Variants in CIITA observed in about 807,000 individuals in gnomAD.
CIITA encodes MHC class II transactivator.
CIITA carries 72 observed loss-of-function variants against 115.1 expected under a neutral mutation model. That is an observed-to-expected ratio of 0.63 (90% CI 0.52 to 0.76). The LOEUF (loss-of-function observed/expected upper bound fraction) is 0.76. CIITA is among the 30% of genes least tolerant of loss of function. The pLI is 0.00. For missense variants in CIITA, 1,617 were observed against 1,463.8 expected, an observed-to-expected ratio of 1.10 and a Z score of -1.71; for synonymous variants, 763 against 635.6, an observed-to-expected ratio of 1.20 and a Z score of -3.02.
At chr16:10,878,713 G>C (rs575011038) in intron 1 of CIITA, among the ~76,000 whole-genome samples, 1 of 152,340 alleles carries the variant, frequency 6.6e-6, no homozygotes, top group African/African-American at 2.4e-5. Flanking sequence ...TGGCTCCCTA[G>C]CTCCTGGCTC....
intron 1 of CIITA, among the ~76,000 whole-genome samples, chr16:10,868,602 A>G (rs546812974): frequency 6.6e-6 from 1 of 152,282 alleles, no homozygotes; most frequent in South Asian, 2.1e-4. Context: ...GCAGACAGCC[A>G]GTGTGGTCTT....
intron 1 of CIITA, among the ~76,000 whole-genome samples, chr16:10,869,707 G>T (rs953907368): frequency 6.6e-6 from 1 of 151,970 alleles, no homozygotes; most frequent in African/African-American, 2.4e-5. Context: ...TAGAGACAGG[G>T]TTTCTCCAAG....
At chr16:10,893,804 T>TAAA (rs71136603) in intron 1 of CIITA, among the ~76,000 whole-genome samples, 1,454 of 32,140 alleles carry the variant, frequency 0.045, 118 homozygotes, top group African/African-American at 0.058. Context: ...GACTCCGTCT[T>TAAA]AAAAAAAAAA....
chr16:10,888,190 C>T (rs1329894515), intron 1 of CIITA: 2 of 152,190 alleles, frequency 1.3e-5, no homozygotes, highest in Non-Finnish European at 1.5e-5. Flanking sequence ...ACTTACTGGT[C>T]GCCAGTCCCC....
At position 10,894,020 on chromosome 16, in the gene CIITA, TA is replaced by T. The variant is rs557338674; in HGVS notation, c.53-1253del. Among the ~76,000 whole-genome samples the T allele has an allele frequency of 7.3e-3, 1,110 of 151,112 alleles. 25 individuals are homozygous for T. The highest frequency in any genetic ancestry group is 0.025 in the African/African-American group (1,031 of 41,174). On this transcript the variant is annotated intron_variant, in intron 1 of 19. Coordinates refer to ENST00000324288, the MANE Select transcript of CIITA (RefSeq NM_000246.4). ...GCAACCACTAATATGCTTTCTTTCTTAAAAAAAAATTAATAGAGATAGGCTT... is the reference window on the plus strand; with the variant it reads ...GCAACCACTAATATGCTTTCTTTCTTAAAAAAAATTAATAGAGATAGGCTT...
upstream of CIITA, chr16:10,866,219 G>A: frequency 2.3e-6 from 1 of 443,602 alleles, no homozygotes; most frequent in Non-Finnish European, 4.4e-6. Flanking sequence ...TCATGTTTTG[G>A]ATGCTGCATG....
intron 6 of CIITA, 32 bp from the exon 7 acceptor site, chr16:10,902,006 C>T: frequency 1.2e-6 from 2 of 1,613,300 alleles, no homozygotes; most frequent in Non-Finnish European, 1.7e-6. Context: ...CCTCCAAGCA[C>T]CCAGTCTCTA....
chr16:10,895,914 G>A (rs964438968), intron 3 of CIITA, 150 bp downstream of exon 3: 34 of 804,560 alleles, frequency 4.2e-5, no homozygotes, highest in Non-Finnish European at 5.8e-5. Flanking sequence ...CTGGAGGAAC[G>A]GAGACTCCAG....
intron 1 of CIITA, among the ~76,000 whole-genome samples, chr16:10,885,792 T>C (rs1377603572): frequency 6.6e-6 from 1 of 152,168 alleles, no homozygotes; most frequent in Non-Finnish European, 1.5e-5. Context: ...GGTACCAGGC[T>C]CTGTGCAGGC....
In CIITA at chr16:10,907,514, C is replaced by A. The variant is rs2039253947; in HGVS notation, c.2022C>A (p.Thr674=). Residue 674 remains threonine, a synonymous_variant, in exon 11 of 20, where the codon ACC becomes ACA. Transcript: ENST00000324288. The surrounding 1 kb of genome is among the most constrained non-coding windows in gnomAD (Gnocchi z 5.0). ...AWELGRRHQS[T]LQEDQFPSAD... ...AGCTGGGCCGCAGACATCAAAGTAC[C>A]CTACAGGAGGACCAGTTCCCATCCG... 7 of 1,614,086 alleles carry A rather than the reference C, an allele frequency of 4.3e-6. No individual in the cohort carries two copies. Among genetic ancestry groups the A allele is most frequent in the Non-Finnish European group, 5.9e-6 (7 of 1,180,028 alleles).
chr16:10,907,932 C>T lies in CIITA; in HGVS notation c.2440C>T (p.His814Tyr). Residue 814 changes from histidine (H) to tyrosine (Y), a missense_variant, in exon 11 of 20, where the codon CAC becomes TAC. Physicochemically the swap from His to Tyr is moderately conservative, Grantham distance 83 (BLOSUM62 2). Coordinates refer to ENST00000324288, the MANE Select transcript of CIITA (RefSeq NM_000246.4). This position sits in a 1 kb window ranked among gnomAD's most constrained non-coding sequence, Gnocchi z 5.0. ...GCTGCTGGAGCTGCTGCACTGCGCC[C>T]ACGAGGCCGAGGAGGCTGGAATTTG... ...RQLLELLHCA[H>Y]EAEEAGIWQH... 1 of 1,564,462 alleles carries T rather than the reference C, an allele frequency of 6.4e-7. No individual in the cohort carries two copies. Among genetic ancestry groups the T allele is most frequent in the East Asian group, 2.3e-5 (1 of 44,444 alleles).
rs772171068 is a variant in CIITA at position 10,907,682 on chromosome 16, C to A, written c.2190C>A (p.Asp730Glu). 13 of 1,614,102 alleles carry A rather than the reference C, an allele frequency of 8.1e-6. No homozygotes were observed. The highest frequency in any genetic ancestry group is 1.1e-5 in the Non-Finnish European group (13 of 1,180,048). Residue 730 changes from aspartate to glutamate, a missense_variant, in exon 11 of 20, where the codon GAC becomes GAA. Physicochemically the swap from Asp to Glu is conservative, Grantham distance 45 (BLOSUM62 2). Transcript: ENST00000324288. This position sits in a 1 kb window ranked among gnomAD's most constrained non-coding sequence, Gnocchi z 5.0. Reference sequence around the variant, plus strand: ...TGGCTCTGAGTGGCGAAATCAAGGACAAGGAGCTCCCGCAGTACCTAGCAT... The same window carrying A: ...TGGCTCTGAGTGGCGAAATCAAGGAAAAGGAGCTCCCGCAGTACCTAGCAT... The part of the protein sequence containing the change: ...LWLALSGEIK[D>E]KELPQYLALT...
intron 15 of CIITA, among the ~76,000 whole-genome samples, chr16:10,918,067 A>C (rs1461855764): frequency 6.6e-6 from 1 of 152,212 alleles, no homozygotes; most frequent in Non-Finnish European, 1.5e-5. Context: ...GGGATACAGT[A>C]ATGAGCAAAA....
In CIITA at chr16:10,942,253, G is replaced by T. The variant is rs1301899841; in HGVS notation, n.1379G>T. ...CCCGGGCGGCGAGGCGGGCCCCCCT[G>T]AAGTGGCCCGCGGCTGCCCGGCTCC... is the stretch of plus-strand genomic sequence containing the variant. On this transcript the variant is annotated non_coding_transcript_exon_variant, in exon 2 of 2. Transcript: ENST00000573379. This position sits in a 1 kb window ranked among gnomAD's most constrained non-coding sequence, Gnocchi z 5.0. The T allele has an allele frequency of 1.4e-5, 5 of 361,708 alleles. No homozygotes were observed. Among genetic ancestry groups the T allele is most frequent in the Non-Finnish European group, 2.5e-5 (5 of 201,396 alleles). 22.4% of individuals were successfully genotyped at this position (361,708 alleles called of 1,614,324 possible).
chr16:10,892,406 T>G (rs1286953089), intron 1 of CIITA, among the ~76,000 whole-genome samples: 1 of 152,042 alleles, frequency 6.6e-6, no homozygotes, highest in African/African-American at 2.4e-5. Context: ...TACTCTTCAA[T>G]GTATTCTCTT....
chr16:10,887,346 G>A (rs1055665163), intron 1 of CIITA, among the ~76,000 whole-genome samples: 5 of 152,164 alleles, frequency 3.3e-5, no homozygotes, highest in Admixed American at 6.5e-5. Context: ...TCGTTGAAAC[G>A]GAGGCTCAGA....
rs1013962316 is a variant in CIITA at position 10,923,236 on chromosome 16, C to T, written c.3326C>T (p.Thr1109Met). 6.2e-6 allele frequency: 10 copies of T among 1,613,168 alleles called. No homozygotes were observed. The highest frequency in any genetic ancestry group is 1.3e-5 in the African/African-American group (1 of 75,040). The stretch of plus-strand genomic sequence containing the variant: ...CCCATCCCCCCTTGCAGGATGTGGA[C>T]GCCCACCATCCCATTCAGTGTCCAG... ...CPHVETLAMW[T>M]PTIPFSVQEH... is the part of the protein sequence containing the mutation. The change falls in exon 19 of 20, where the codon ACG becomes ATG. Residue 1109 changes from threonine to methionine, a missense_variant. By Grantham distance (81) the Thr-to-Met change is moderately conservative (BLOSUM62 -1). Transcript: ENST00000324288. The surrounding 1 kb of genome is among the most constrained non-coding windows in gnomAD (Gnocchi z 5.2).
intron 5 of CIITA, among the ~76,000 whole-genome samples, chr16:10,900,973 G>A (rs564951082): frequency 1.1e-4 from 16 of 151,962 alleles, no homozygotes; most frequent in South Asian, 2.1e-4. Flanking sequence ...CACTCCCCTC[G>A]TGTACTTCAG....
rs1017471159 is a variant in CIITA, at chr16:10,926,305, T to C, written c.*2450T>C. ...CTGCCATCCAGGTTCAGCTTGTAAA[T>C]AGCTCAGGTGTCACCCTGCAAGGGA... On this transcript the variant is annotated 3_prime_UTR_variant, in exon 20 of 20. Transcript: ENST00000324288. 2.0e-5 allele frequency: 3 copies of C among 152,360 alleles called. No individual in the cohort carries two copies. Among genetic ancestry groups the C allele is most frequent in the South Asian group, 2.1e-4 (1 of 4,836 alleles). 9.4% of individuals were successfully genotyped at this position (152,360 alleles called of 1,614,324 possible).
Sources: allele counts gnomAD v4.1 joint callset (sites outside exome capture counted in the v4.1 genomes callset), GRCh38; gene constraint gnomAD v4.1.1; non-coding constraint Gnocchi (gnomAD v3.1); transcripts MANE v1.5; gene names NCBI Gene and HGNC (gene_info 2026-07-23, HGNC 2026-07-21).